Variants in ATP9A observed in about 807,000 individuals in gnomAD.
ATP9A encodes the protein probable phospholipid-transporting ATPase IIA.
ATP9A carries 52 observed loss-of-function variants against 144.1 expected under a neutral mutation model. The ratio of observed to expected loss-of-function variants is 0.36; its 90% confidence interval spans 0.29 to 0.45. The LOEUF (loss-of-function observed/expected upper bound fraction) is 0.45, where lower values mean the gene tolerates loss of function less well. ATP9A is among the 20% of genes least tolerant of loss of function. The pLI, the probability that ATP9A is intolerant of heterozygous loss-of-function variation, is 1.00. For missense variants in ATP9A, 947 were observed against 1,392.7 expected, an observed-to-expected ratio of 0.68 and a Z score of 5.09; for synonymous variants, 582 against 557.4, an observed-to-expected ratio of 1.04 and a Z score of -0.62.
At chr20:51,667,628 G>A (rs945075401) in intron 13 of ATP9A, among the ~76,000 whole-genome samples, 2 of 152,188 alleles carry the variant, frequency 1.3e-5, no homozygotes, top group African/African-American at 4.8e-5. Context: ...CCACCACAGA[G>A]CTGATGGTAC....
chr20:51,676,904 C>A (rs2077479524), intron 9 of ATP9A, among the ~76,000 whole-genome samples: 1 of 150,290 alleles, frequency 6.7e-6, no homozygotes, highest in South Asian at 2.1e-4. Flanking sequence ...GCATGAGCCA[C>A]CACGCCCAGT....
intron 27 of ATP9A, among the ~76,000 whole-genome samples, chr20:51,601,665 G>T (rs2077143715): frequency 6.6e-6 from 1 of 152,168 alleles, no homozygotes; most frequent in Admixed American, 6.5e-5. Flanking sequence ...CAGCACTCTG[G>T]GAGGCCAAGG....
intron 3 of ATP9A, among the ~76,000 whole-genome samples, chr20:51,722,104 T>G (rs752041687): frequency 2.6e-5 from 4 of 152,120 alleles, no homozygotes; most frequent in Non-Finnish European, 5.9e-5. Flanking sequence ...GACACCCTTT[T>G]CAACAAATGG....
At chr20:51,623,689 G>A (rs2077235763) in intron 18 of ATP9A, among the ~76,000 whole-genome samples, 1 of 151,400 alleles carries the variant, frequency 6.6e-6, no homozygotes, top group South Asian at 2.1e-4. Context: ...TTGGGAGGCT[G>A]AGGCAGGAGA....
chr20:51,691,943 C>T (rs1465931500), intron 7 of ATP9A, among the ~76,000 whole-genome samples: 1 of 152,170 alleles, frequency 6.6e-6, no homozygotes, highest in East Asian at 1.9e-4. Flanking sequence ...ACACAGGCTA[C>T]AATACGGATG....
In ATP9A at chr20:51,752,277, G is replaced by A. The variant is rs2122905348; in HGVS notation, c.68+16025C>T. On this transcript the variant is annotated intron_variant, in intron 1 of 27. Coordinates refer to ENST00000338821, the MANE Select transcript of ATP9A (RefSeq NM_006045.3). ...ATGACAGTACCTAGTATTGGACGAT[G>A]CCATTAAGACAATCCACTTAAAATA... Among the ~76,000 whole-genome samples the A allele has an allele frequency of 2.6e-5, 4 of 152,234 alleles. No individual in the cohort carries two copies. In the Middle Eastern group the frequency reaches 0.014, roughly 518 times the overall value.
chr20:51,674,681 A>T (rs1012182173), intron 10 of ATP9A, among the ~76,000 whole-genome samples: 5 of 152,184 alleles, frequency 3.3e-5, no homozygotes, highest in Non-Finnish European at 7.4e-5. Flanking sequence ...ACCACCCTGC[A>T]GAGTGCCCTT....
intron 2 of ATP9A, among the ~76,000 whole-genome samples, chr20:51,726,878 CTG>C (rs1445800961): frequency 1.3e-4 from 19 of 140,778 alleles, no homozygotes; most frequent in African/African-American, 4.0e-4. Flanking sequence ...TGCGTCCAGA[CTG>C]TGTTATTTCT....
chr20:51,749,638 CTATT>C (rs2077823223), intron 1 of ATP9A, among the ~76,000 whole-genome samples: 2 of 152,162 alleles, frequency 1.3e-5, no homozygotes, highest in South Asian at 2.1e-4. Context: ...AAATCTATGT[CTATT>C]TATCTATATA....
At chr20:51,628,341 G>C (rs912995679) in intron 16 of ATP9A, among the ~76,000 whole-genome samples, 2 of 152,174 alleles carry the variant, frequency 1.3e-5, no homozygotes, top group Non-Finnish European at 2.9e-5. Flanking sequence ...TGCAGCCTCT[G>C]ATGTGGCCCC....
Position 51,637,554 on chromosome 20 carries a change from G to A in ATP9A, c.1668+1789C>T, listed in dbSNP as rs184860749. Among the ~76,000 whole-genome samples the A allele has an allele frequency of 2.6e-4, 40 of 152,248 alleles. No homozygotes were observed. The East Asian group carries it at 7.4e-3, about 28-fold the overall frequency. ...GAAGAAGAACGAGATGCTGTAAGAG[G>A]TGGTCTGAATTCAAGGAACCTGTAA... On this transcript the variant is annotated intron_variant, in intron 15 of 27. Transcript: ENST00000338821.
chr20:51,767,045 A>AC (rs1273252070), intron 1 of ATP9A, among the ~76,000 whole-genome samples: 1 of 143,844 alleles, frequency 7.0e-6, no homozygotes, highest in African/African-American at 2.6e-5. Flanking sequence ...AGGGACAAAG[A>AC]CCCCACAAAA....
In ATP9A at chr20:51,611,765, T is replaced by C. The variant is rs925055482; in HGVS notation, c.2572-1600A>G. Among the ~76,000 whole-genome samples, 15 of 152,222 alleles carry C rather than the reference T, an allele frequency of 9.9e-5. No homozygotes were observed. Among genetic ancestry groups the C allele is most frequent in the African/African-American group, 3.1e-4 (13 of 41,456 alleles). ...AAAGCCACAGCATTATCCTGTTCAA[T>C]TGGTGAGTTAACATAAAAGTACAGA... is the stretch of plus-strand genomic sequence containing the variant. On this transcript the variant is annotated intron_variant, in intron 23 of 27. Transcript: ENST00000338821. This position sits in a 1 kb window ranked among gnomAD's most constrained non-coding sequence, Gnocchi z 4.2.
chr20:51,713,999 C>A (rs1373057146), intron 3 of ATP9A, among the ~76,000 whole-genome samples: 1 of 151,834 alleles, frequency 6.6e-6, no homozygotes, highest in East Asian at 1.9e-4. Flanking sequence ...CTCCACCTCC[C>A]GGGTTCAAGC....
chr20:51,610,219 A>G (rs965411152), intron 23 of ATP9A, 54 bp from the exon 24 acceptor site: 2 of 1,421,194 alleles, frequency 1.4e-6, no homozygotes, highest in South Asian at 2.3e-5. Flanking sequence ...AATCCCTTAC[A>G]TTTACAGAAT....
At chr20:51,707,696 G>A (rs2077620570) in intron 4 of ATP9A, among the ~76,000 whole-genome samples, 1 of 152,136 alleles carries the variant, frequency 6.6e-6, no homozygotes, top group South Asian at 2.1e-4. Flanking sequence ...CATTCCTTAT[G>A]AGGATCACCA....
intron 22 of ATP9A, among the ~76,000 whole-genome samples, chr20:51,617,225 G>GT (rs1315695998): frequency 6.6e-6 from 1 of 152,048 alleles, no homozygotes; most frequent in Non-Finnish European, 1.5e-5. Flanking sequence ...GATTACAGGC[G>GT]TGAGCCACCA....
intron 1 of ATP9A, among the ~76,000 whole-genome samples, chr20:51,751,878 G>A (rs372673975): frequency 8.4e-4 from 128 of 152,090 alleles, no homozygotes; most frequent in African/African-American, 2.9e-3. Flanking sequence ...GTGAGCCACC[G>A]CGCCCGGCCG....
intron 1 of ATP9A, among the ~76,000 whole-genome samples, chr20:51,751,163 C>T (rs964983736): frequency 6.6e-6 from 1 of 152,056 alleles, no homozygotes; most frequent in Non-Finnish European, 1.5e-5. Context: ...AACATGTACC[C>T]TCACTGAAGC....
Sources: allele counts gnomAD v4.1 joint callset (sites outside exome capture counted in the v4.1 genomes callset), GRCh38; gene constraint gnomAD v4.1.1; non-coding constraint Gnocchi (gnomAD v3.1); transcripts MANE v1.5; gene names NCBI Gene and HGNC (gene_info 2026-07-23, HGNC 2026-07-21).